Variants in GATAD2A observed in about 807,000 individuals in gnomAD.
The protein encoded by GATAD2A is transcriptional repressor p66-alpha.
A neutral mutation model predicts 68.5 loss-of-function variants in GATAD2A; 12 were observed. That is an observed-to-expected ratio of 0.18 (90% CI 0.11 to 0.28). The LOEUF is 0.28. GATAD2A is among the 10% of genes least tolerant of loss of function. GATAD2A has a pLI of 1.00. For synonymous variants in GATAD2A, 410 were observed against 375.3 expected, an observed-to-expected ratio of 1.09 and a Z score of -1.07; for missense variants, 755 against 868.5, an observed-to-expected ratio of 0.87 and a Z score of 1.64.
In GATAD2A at chr19:19,492,330, C is replaced by G; in HGVS notation, c.294C>G (p.Pro98=). ...SHSDMKSERR[P]PSPDVIVLSD... is the part of the protein sequence containing the mutation. ...GTGACATGAAGTCCGAGAGGAGACC[C>G]CCCTCACCTGACGTGATTGTGCTCT... Residue 98 remains proline (P), a synonymous_variant, in exon 3 of 12, where the codon CCC becomes CCG. Transcript: ENST00000683918. 1 of 1,607,286 alleles carries G rather than the reference C, an allele frequency of 6.2e-7. No individual in the cohort carries two copies. Among genetic ancestry groups the G allele is most frequent in the Non-Finnish European group, 8.5e-7 (1 of 1,176,842 alleles).
At position 19,506,810 on chromosome 19, in the gene GATAD2A, G is replaced by A. The variant is rs1357123090; in HGVS notation, c.*1336G>A. 1 of 152,194 alleles carries A rather than the reference G, an allele frequency of 6.6e-6. No individual in the cohort carries two copies. Among genetic ancestry groups the A allele is most frequent in the Non-Finnish European group, 1.5e-5 (1 of 68,042 alleles). The allele number at this position is 152,194 out of a possible 1,614,324, so 9.4% of individuals were successfully genotyped here. A position where few individuals can be genotyped will look rare whatever the true frequency, so the allele number is the denominator to read the frequency against. ...CAGTGCGAGGGCGTCCCGTGCCCAC[G>A]TACATACGTATGTCTCCATGAGTTC... On this transcript the variant is annotated 3_prime_UTR_variant, in exon 12 of 12. Coordinates refer to ENST00000683918, the MANE Select transcript of GATAD2A (RefSeq NM_001384528.1).
At position 19,492,265 on chromosome 19, in the gene GATAD2A, C is replaced by T. The variant is rs778924728; in HGVS notation, c.270-41C>T. On this transcript the variant is annotated intron_variant, in intron 2 of 11. Coordinates refer to ENST00000683918, the MANE Select transcript of GATAD2A (RefSeq NM_001384528.1). Reference sequence around the variant, plus strand: ...CCACAGGGGTGGGCACTGGGTCCAGCTGTCAAGGGCGCTCTGGTCACTACT... The same window carrying T: ...CCACAGGGGTGGGCACTGGGTCCAGTTGTCAAGGGCGCTCTGGTCACTACT... 9 of 1,574,168 alleles carry T rather than the reference C, an allele frequency of 5.7e-6. No homozygotes were observed. In the African/African-American group the frequency reaches 6.8e-5, roughly 12 times the overall value.
chr19:19,447,496 T>G (rs2055864401), intron 1 of GATAD2A, among the ~76,000 whole-genome samples: 1 of 152,222 alleles, frequency 6.6e-6, no homozygotes, highest in Non-Finnish European at 1.5e-5. Flanking sequence ...TGTGGGTGTC[T>G]ATACACAGAC....
chr19:19,496,275 C>A, intron 7 of GATAD2A, 56 bp downstream of exon 7: 2 of 1,489,456 alleles, frequency 1.3e-6, no homozygotes, highest in Non-Finnish European at 1.9e-6. Flanking sequence ...TGTGACTGCT[C>A]CCCTTGGACC....
chr19:19,393,092 AT>A (rs1370124597), intron 1 of GATAD2A, among the ~76,000 whole-genome samples: 1 of 152,182 alleles, frequency 6.6e-6, no homozygotes, highest in Non-Finnish European at 1.5e-5. Context: ...ATCACTTGAG[AT>A]CAGGAGTTTG....
At chr19:19,429,525 G>C (rs979851953) in intron 1 of GATAD2A, among the ~76,000 whole-genome samples, 2 of 152,002 alleles carry the variant, frequency 1.3e-5, no homozygotes, top group Admixed American at 1.3e-4. Flanking sequence ...GGGTGGACCT[G>C]GGAAATTAAG....
intron 1 of GATAD2A, among the ~76,000 whole-genome samples, chr19:19,388,484 C>T (rs1214127455): frequency 6.6e-6 from 1 of 152,014 alleles, no homozygotes; most frequent in African/African-American, 2.4e-5. Flanking sequence ...ATTTCGGTTT[C>T]CAGGAGCCTG....
intron 2 of GATAD2A, among the ~76,000 whole-genome samples, chr19:19,491,765 G>A (rs1247656991): frequency 6.6e-6 from 1 of 152,242 alleles, no homozygotes; most frequent in African/African-American, 2.4e-5. Flanking sequence ...TGGCTGCCAG[G>A]TGTGAGGGCT....
At chr19:19,409,014 C>CTTTTTTTTTTTTTTTTTT (rs5827448) in intron 1 of GATAD2A, among the ~76,000 whole-genome samples, 1 of 116,514 alleles carries the variant, frequency 8.6e-6, no homozygotes. Flanking sequence ...GAAATGTTGG[C>CTTTTTTTTTTTTTTTTTT]TTTTTTTTTT....
chr19:19,419,182 C>T (rs544028742), intron 1 of GATAD2A, among the ~76,000 whole-genome samples: 27 of 152,358 alleles, frequency 1.8e-4, no homozygotes, highest in East Asian at 1.3e-3. Flanking sequence ...CACTCCCTGT[C>T]GAGGGACCCT....
At position 19,390,381 on chromosome 19, in the gene GATAD2A, G is replaced by T. The variant is rs746603137; in HGVS notation, c.-7+4243G>T. Reference sequence around the variant, plus strand: ...TGGTGTGCAGTAAAGGCTGCTTGTTGTATTCCTGGCCTGGACTCACAGACC... The same window carrying T: ...TGGTGTGCAGTAAAGGCTGCTTGTTTTATTCCTGGCCTGGACTCACAGACC... On this transcript the variant is annotated intron_variant, in intron 1 of 11. Coordinates refer to the GATAD2A transcript ENST00000360315. Among the ~76,000 whole-genome samples, 10 of 152,024 alleles carry T rather than the reference G, an allele frequency of 6.6e-5. No individual in the cohort carries two copies. In the East Asian group the frequency reaches 1.7e-3, roughly 26 times the overall value.
At chr19:19,489,588 G>A (rs188171058) in intron 2 of GATAD2A, among the ~76,000 whole-genome samples, 2 of 152,332 alleles carry the variant, frequency 1.3e-5, no homozygotes, top group East Asian at 3.9e-4. Context: ...GCCAGGGAGC[G>A]CTGTGGGCAG....
intron 2 of GATAD2A, among the ~76,000 whole-genome samples, chr19:19,488,186 AG>A (rs1600262864): frequency 6.6e-6 from 1 of 152,222 alleles, no homozygotes. Context: ...TGGCGGTGAC[AG>A]CGGTGGTCAG....
At chr19:19,490,578 G>A (rs1268436639) in intron 2 of GATAD2A, among the ~76,000 whole-genome samples, 1 of 152,158 alleles carries the variant, frequency 6.6e-6, no homozygotes, top group African/African-American at 2.4e-5. Context: ...GGACGTGTCT[G>A]TCCTTGGCTG....
chr19:19,409,150 A>G (rs140979618), intron 1 of GATAD2A, among the ~76,000 whole-genome samples: 150 of 152,012 alleles, frequency 9.9e-4, no homozygotes, highest in African/African-American at 3.5e-3. Context: ...AAGGACCATC[A>G]TTAGCATGTA....
chr19:19,457,364 C>A, intron 1 of GATAD2A: 1 of 289,040 alleles, frequency 3.5e-6, no homozygotes, highest in Non-Finnish European at 5.2e-6. Flanking sequence ...CTGAGGATGG[C>A]TGTTCCATCC....
chr19:19,486,173 T>G (rs2059414947), intron 2 of GATAD2A, among the ~76,000 whole-genome samples: 1 of 152,196 alleles, frequency 6.6e-6, no homozygotes, highest in African/African-American at 2.4e-5. Flanking sequence ...AGGACCTGTT[T>G]ACTGAGATTG....
At chr19:19,485,125 T>C (rs2059347490) in intron 2 of GATAD2A, among the ~76,000 whole-genome samples, 1 of 152,186 alleles carries the variant, frequency 6.6e-6, no homozygotes, top group African/African-American at 2.4e-5. Flanking sequence ...CAGGGGGTGC[T>C]TTAAGGCTCA....
chr19:19,469,139 A>T (rs1359939015), intron 2 of GATAD2A, among the ~76,000 whole-genome samples: 2 of 152,282 alleles, frequency 1.3e-5, no homozygotes, highest in East Asian at 1.9e-4. Context: ...ATAGTTTTTT[A>T]AAAAAATCAG....
Sources: gnomAD v4.1 joint callset for allele counts (sites outside exome capture counted in the v4.1 genomes callset) on GRCh38, gnomAD v4.1.1 for gene constraint, MANE v1.5 for transcripts, NCBI Gene and HGNC (gene_info 2026-07-23, HGNC 2026-07-21) for gene names.